The following MARVELD2 variants were observed in gnomAD, a reference collection of about 807,000 sequenced individuals.
MARVELD2 encodes the protein MARVEL domain-containing protein 2.
Under a neutral mutation model 57.6 loss-of-function variants are expected in MARVELD2, and 49 were observed. The ratio of observed to expected loss-of-function variants is 0.85; its 90% confidence interval spans 0.68 to 1.08. The LOEUF (loss-of-function observed/expected upper bound fraction) is 1.08. MARVELD2 is among the 50% of genes least tolerant of loss of function. The pLI is 0.00. For synonymous variants in MARVELD2, 238 were observed against 258.8 expected (o/e 0.92, Z 0.77); for missense variants, 606 against 701.1 (o/e 0.86, Z 1.53).
rs769904212 is a variant in MARVELD2 at position 69,420,322 on chromosome 5, A to G, written c.937A>G (p.Asn313Asp). ...TATGGCCGCAGCCATAGTCTATGTG[A>G]ATGATACCAACCGAGGTGGCCTCTG... Reference protein sequence around the residue: ...LYMAAAIVYVNDTNRGGLCYY... With the variant: ...LYMAAAIVYVDDTNRGGLCYY... Residue 313 changes from asparagine to aspartate, a missense_variant, in exon 2 of 7, where the codon AAT becomes GAT. Physicochemically the swap from Asn to Asp is conservative, Grantham distance 23. Transcript: ENST00000325631. The G allele has an allele frequency of 3.1e-6, 5 of 1,614,056 alleles. 1 individual carries two copies. The South Asian group carries it at 4.4e-5, about 14-fold the overall frequency.
intron 3 of MARVELD2, among the ~76,000 whole-genome samples, chr5:69,425,684 T>G (rs1180288282): frequency 6.6e-6 from 1 of 150,984 alleles, no homozygotes; most frequent in African/African-American, 2.4e-5. Flanking sequence ...AGATGCCAAA[T>G]TTTTTACTAC....
intron 3 of MARVELD2, 76 bp downstream of exon 3, chr5:69,424,712 T>G: frequency 8.6e-7 from 1 of 1,156,916 alleles, no homozygotes; most frequent in Non-Finnish European, 1.3e-6. Flanking sequence ...ATCTACATAG[T>G]AGTATCGTAC....
chr5:69,425,815 G>A (rs182493974), intron 3 of MARVELD2, among the ~76,000 whole-genome samples: 1,540 of 150,456 alleles, frequency 0.01, 9 homozygotes, highest in Middle Eastern at 0.017. Context: ...TGCAAGCTCC[G>A]CCTCCCAGGT....
chr5:69,432,885 G>C (rs762852509), intron 4 of MARVELD2, 37 bp from the exon 5 acceptor site: 31 of 1,613,326 alleles, frequency 1.9e-5, no homozygotes, highest in Non-Finnish European at 2.5e-5. Context: ...TTCTTTTAGT[G>C]AAACAATTAT....
chr5:69,425,022 A>T (rs1214099912), intron 3 of MARVELD2, among the ~76,000 whole-genome samples: 2 of 38,614 alleles, frequency 5.2e-5, no homozygotes, highest in Middle Eastern at 0.011. Flanking sequence ...GAGACTGTTT[A>T]AAAAAAGAAA....
intron 2 of MARVELD2, among the ~76,000 whole-genome samples, chr5:69,422,252 A>G (rs1766651731): frequency 1.3e-5 from 2 of 152,234 alleles, no homozygotes; most frequent in South Asian, 4.1e-4. Context: ...CAAGGGAGAT[A>G]ACCTTAAACT....
At chr5:69,440,426 A>T in intron 5 of MARVELD2, 24 bp from the exon 6 acceptor site, 1 of 1,150,522 alleles carries the variant, frequency 8.7e-7, no homozygotes, top group Non-Finnish European at 1.3e-6. Flanking sequence ...GTTTTAACTT[A>T]AGTATACAAT....
At position 69,419,874 on chromosome 5, in the gene MARVELD2, C is replaced by T; in HGVS notation, c.489C>T (p.Asp163=). The T allele has an allele frequency of 6.2e-7, 1 of 1,614,156 alleles. No homozygotes were observed. The highest frequency in any genetic ancestry group is 1.3e-5 in the African/African-American group (1 of 75,028). The change falls in exon 2 of 7, where the codon GAC becomes GAT. Residue 163 remains aspartate, a synonymous_variant. Transcript: ENST00000325631. The part of the protein sequence containing the change: ...VFPRDPYGSL[D]RHTQTVRTYS... ...CCCGGGATCCCTATGGATCTCTAGA[C>T]CGACACACACAAACAGTTCGAACAT... is the stretch of plus-strand genomic sequence containing the variant.
At chr5:69,438,100 T>C (rs1282590790) in intron 5 of MARVELD2, among the ~76,000 whole-genome samples, 1 of 152,186 alleles carries the variant, frequency 6.6e-6, no homozygotes, top group Non-Finnish European at 1.5e-5. Context: ...TGGAAGCATG[T>C]GAGGCATTTC....
intron 5 of MARVELD2, 88 bp from the exon 6 acceptor site, chr5:69,440,362 T>C: frequency 2.9e-6 from 2 of 689,776 alleles, no homozygotes; most frequent in Non-Finnish European, 5.1e-6. Context: ...GTAAAAATTA[T>C]TTTTTGTTCT....
intron 5 of MARVELD2, among the ~76,000 whole-genome samples, chr5:69,434,477 C>G (rs569460922): frequency 8.1e-4 from 118 of 146,088 alleles, no homozygotes; most frequent in African/African-American, 2.9e-3. Flanking sequence ...AAAAAAAAAG[C>G]AAGCAGATAT....
intron 2 of MARVELD2, among the ~76,000 whole-genome samples, chr5:69,421,479 A>G (rs1189596919): frequency 6.6e-6 from 1 of 152,174 alleles, no homozygotes; most frequent in Non-Finnish European, 1.5e-5. Flanking sequence ...ATACTATACA[A>G]TTGCACATGG....
intron 5 of MARVELD2, among the ~76,000 whole-genome samples, chr5:69,438,547 A>G (rs1301729344): frequency 6.6e-6 from 1 of 152,172 alleles, no homozygotes; most frequent in African/African-American, 2.4e-5. Context: ...CAGGAGTTCA[A>G]GATGAGCTTG....
chr5:69,435,046 G>A (rs1767089961), intron 5 of MARVELD2, among the ~76,000 whole-genome samples: 2 of 130,622 alleles, frequency 1.5e-5, no homozygotes, highest in Non-Finnish European at 3.2e-5. Context: ...TTTTTGAGAT[G>A]GAGTCTTGCT....
chr5:69,426,348 A>ATTATTATTATTATTATTT (rs1481729578), intron 3 of MARVELD2, among the ~76,000 whole-genome samples: 1 of 147,484 alleles, frequency 6.8e-6, no homozygotes, highest in African/African-American at 2.5e-5. Context: ...TATTATTATT[A>ATTATTATTATTATTATTT]TTTTTAGACA....
intron 5 of MARVELD2, among the ~76,000 whole-genome samples, chr5:69,439,225 A>T (rs1181945799): frequency 1.3e-5 from 2 of 151,468 alleles, no homozygotes; most frequent in African/African-American, 4.8e-5. Flanking sequence ...CAGTGGCGTG[A>T]TCTTGGCTCA....
rs1405836301 is a variant in MARVELD2 at position 69,432,566 on chromosome 5, G to C, written c.1222G>C (p.Glu408Gln). ...ATSGDRQRDS[E>Q]VNFKELRTAK... is the part of the protein sequence containing the mutation. Reference sequence around the variant, plus strand: ...CAGTGGTGACAGACAAAGAGACTCAGAAGTTAATTTCAAGGAACTGAGAAC... The same window carrying C: ...CAGTGGTGACAGACAAAGAGACTCACAAGTTAATTTCAAGGAACTGAGAAC... The change falls in exon 4 of 7, where the codon GAA becomes CAA. Residue 408 changes from glutamate to glutamine, a missense_variant. Physicochemically the swap from Glu to Gln is conservative, Grantham distance 29 (BLOSUM62 2). Coordinates refer to ENST00000325631, the MANE Select transcript of MARVELD2 (RefSeq NM_001038603.3). 1 of 1,614,190 alleles carries C rather than the reference G, an allele frequency of 6.2e-7. No individual in the cohort carries two copies. Among genetic ancestry groups the C allele is most frequent in the East Asian group, 2.2e-5 (1 of 44,878 alleles).
In MARVELD2 at chr5:69,444,180, A is replaced by G. The variant is rs927384435; in HGVS notation, c.*2526A>G. The stretch of plus-strand genomic sequence containing the variant: ...CACTGATTTGTAAATGTTGTGGTCA[A>G]TCCCTAGGTGCATTAAAGTTTCAGT... On this transcript the variant is annotated 3_prime_UTR_variant, in exon 7 of 7. Transcript: ENST00000325631. 2.0e-5 allele frequency: 3 copies of G among 152,080 alleles called. No homozygotes were observed. Among genetic ancestry groups the G allele is most frequent in the South Asian group, 4.1e-4 (2 of 4,826 alleles). The allele number at this position is 152,080 out of a possible 1,614,324, so 9.4% of individuals were successfully genotyped here.
chr5:69,442,471 A>G lies in MARVELD2; in HGVS notation c.*817A>G, dbSNP rs962529926. The stretch of plus-strand genomic sequence containing the variant: ...CCTCTTCTGTAAAATGGGGCTAATA[A>G]TAGTTCCTTCCTCATAGAGTTGTTA... On this transcript the variant is annotated 3_prime_UTR_variant, in exon 7 of 7. Transcript: ENST00000325631. 5 of 152,172 alleles carry G rather than the reference A, an allele frequency of 3.3e-5. No individual in the cohort carries two copies. The East Asian group carries it at 5.8e-4, about 18-fold the overall frequency. 9.4% of individuals were successfully genotyped at this position (152,172 alleles called of 1,614,324 possible).
Sources: gnomAD v4.1 joint callset for allele counts (sites outside exome capture counted in the v4.1 genomes callset) on GRCh38, gnomAD v4.1.1 for gene constraint, MANE v1.5 for transcripts, NCBI Gene and HGNC (gene_info 2026-07-23, HGNC 2026-07-21) for gene names.